LRP1B: variants seen among roughly 807,000 people sequenced by gnomAD.
The protein encoded by LRP1B is LDL receptor related protein 1B, also known as low-density lipoprotein receptor-related protein 1B.
In LRP1B, 217 loss-of-function variants were observed where a neutral mutation model predicts 556.6. The ratio of observed to expected loss-of-function variants is 0.39; its 90% confidence interval spans 0.35 to 0.44. The LOEUF (loss-of-function observed/expected upper bound fraction) is 0.44. LRP1B is among the 20% of genes least tolerant of loss of function. The pLI is 1.00. For missense variants in LRP1B, 5,053 were observed against 5,620.8 expected, an observed-to-expected ratio of 0.90 and a Z score of 3.23; for synonymous variants, 2,047 against 1,865.8, an observed-to-expected ratio of 1.10 and a Z score of -2.50.
At position 140,675,507 on chromosome 2, in the gene LRP1B, T is replaced by C. The variant is rs759357369; in HGVS notation, c.6799+24743A>G. Among the ~76,000 whole-genome samples, 70 of 152,238 alleles carry C rather than the reference T, an allele frequency of 4.6e-4. 1 individual carries two copies. The highest frequency in any genetic ancestry group is 6.6e-4 in the Non-Finnish European group (45 of 68,046). ...TTCAAATTGAATTATATTTATTTCATACTGTTCTTAATGTGCTGAAAGTTA... is the reference window on the plus strand; with the variant it reads ...TTCAAATTGAATTATATTTATTTCACACTGTTCTTAATGTGCTGAAAGTTA... On this transcript the variant is annotated intron_variant, in intron 41 of 90. Coordinates refer to ENST00000389484, the MANE Select transcript of LRP1B (RefSeq NM_018557.3).
chr2:142,099,656 T>G (rs947800590), intron 1 of LRP1B, among the ~76,000 whole-genome samples: 1 of 151,930 alleles, frequency 6.6e-6, no homozygotes, highest in Non-Finnish European at 1.5e-5. Context: ...CAAATTGCAT[T>G]TGCCAGACCA....
chr2:142,130,071 G>A (rs1707795353), intron 1 of LRP1B, among the ~76,000 whole-genome samples: 1 of 152,134 alleles, frequency 6.6e-6, no homozygotes, highest in African/African-American at 2.4e-5. Flanking sequence ...TCAAGCAGGT[G>A]CGTGCGCCCG....
chr2:141,722,789 A>G (rs981460831), intron 2 of LRP1B, among the ~76,000 whole-genome samples: 6 of 151,188 alleles, frequency 4.0e-5, no homozygotes, highest in Non-Finnish European at 5.9e-5. Flanking sequence ...TCAATCTATC[A>G]CCTGTACAGG....
In LRP1B at chr2:140,982,414, TTTTA is replaced by T. The variant is rs1177794918; in HGVS notation, c.2771-142_2771-139del. ...AAAATAAAATATTTTAAAAGTCCAT[TTTTA>T]TTTAAGGCTTCTGAATACCAGCTTG... On this transcript the variant is annotated intron_variant, in intron 17 of 90. Transcript: ENST00000389484. The T allele has an allele frequency of 1.4e-5, 8 of 586,534 alleles. No individual in the cohort carries two copies. In the Admixed American group the frequency reaches 2.5e-4, roughly 18 times the overall value. The allele number at this position is 586,534 out of a possible 1,614,324, so 36.3% of individuals were successfully genotyped here. A position where few individuals can be genotyped will look rare whatever the true frequency, so the allele number is the denominator to read the frequency against.
intron 1 of LRP1B, among the ~76,000 whole-genome samples, chr2:141,968,981 C>G (rs1192293446): frequency 6.6e-6 from 1 of 151,348 alleles, no homozygotes; most frequent in African/African-American, 2.4e-5. Flanking sequence ...TTTCAGTTCT[C>G]TCTGTCCTGC....
intron 46 of LRP1B, among the ~76,000 whole-genome samples, chr2:140,534,392 C>T (rs1367785053): frequency 1.3e-5 from 2 of 152,054 alleles, no homozygotes; most frequent in African/African-American, 4.8e-5. Context: ...GTTATACCCA[C>T]GTTATTGTTT....
intron 3 of LRP1B, among the ~76,000 whole-genome samples, chr2:141,420,009 G>A (rs1440417769): frequency 2.0e-5 from 3 of 152,142 alleles, no homozygotes; most frequent in Non-Finnish European, 4.4e-5. Context: ...ATTGTTCTGT[G>A]TATGTTTGTC....
intron 2 of LRP1B, among the ~76,000 whole-genome samples, chr2:141,497,521 C>T (rs4245858): frequency 0.56 from 84,363 of 151,814 alleles, 23,845 homozygotes; most frequent in African/African-American, 0.65. Context: ...GTTTTTTCTC[C>T]TACACCACAT....
chr2:140,323,756 T>C (rs1335403918), intron 81 of LRP1B, 137 bp downstream of exon 81: 2 of 423,092 alleles, frequency 4.7e-6, no homozygotes, highest in African/African-American at 4.1e-5. Context: ...AAAAGTCTAG[T>C]GACATCAAAA....
chr2:141,795,535 T>A (rs1695774701), intron 2 of LRP1B, among the ~76,000 whole-genome samples: 1 of 151,966 alleles, frequency 6.6e-6, no homozygotes, highest in Non-Finnish European at 1.5e-5. Flanking sequence ...TTGTGGTGAT[T>A]CCATTGTTAT....
At chr2:141,907,596 AC>A (rs1323459315) in intron 1 of LRP1B, among the ~76,000 whole-genome samples, 4 of 151,972 alleles carry the variant, frequency 2.6e-5, no homozygotes, top group African/African-American at 9.7e-5. Flanking sequence ...CTTTAATGTC[AC>A]CTAAGAGAAG....
At chr2:141,081,670 A>G (rs1699925413) in intron 7 of LRP1B, among the ~76,000 whole-genome samples, 1 of 148,846 alleles carries the variant, frequency 6.7e-6, no homozygotes, top group Admixed American at 6.9e-5. Flanking sequence ...TATCATTTCC[A>G]TATTAAATTA....
intron 2 of LRP1B, among the ~76,000 whole-genome samples, chr2:141,775,851 T>C (rs961850459): frequency 6.6e-6 from 1 of 151,344 alleles, no homozygotes; most frequent in African/African-American, 2.4e-5. Context: ...CCTTTTTTTT[T>C]TTTTTTTCTG....
chr2:142,018,407 C>A (rs1175417999), intron 1 of LRP1B, among the ~76,000 whole-genome samples: 1 of 152,112 alleles, frequency 6.6e-6, no homozygotes, highest in Non-Finnish European at 1.5e-5. Context: ...TGGCAGTCAA[C>A]CTACTTGTAA....
At chr2:140,453,000 A>ACTT (rs1430623283) in intron 62 of LRP1B, among the ~76,000 whole-genome samples, 1 of 148,824 alleles carries the variant, frequency 6.7e-6, no homozygotes, top group East Asian at 2.0e-4. Flanking sequence ...AGTGGAGAAA[A>ACTT]CTTATCTTTA....
chr2:140,832,041 G>T (rs1329838441), intron 31 of LRP1B, among the ~76,000 whole-genome samples: 2 of 152,188 alleles, frequency 1.3e-5, no homozygotes, highest in Admixed American at 1.3e-4. Context: ...AGGAGGTACA[G>T]ACATGGGAAC....
At position 140,270,388 on chromosome 2, in the gene LRP1B, G is replaced by T. The variant is rs575012934; in HGVS notation, c.13143-42C>A. 4 of 1,229,998 alleles carry T rather than the reference G, an allele frequency of 3.3e-6. No individual in the cohort carries two copies. In the South Asian group the frequency reaches 4.8e-5, roughly 15 times the overall value. 76.2% of individuals were successfully genotyped at this position (1,229,998 alleles called of 1,614,324 possible). The stretch of plus-strand genomic sequence containing the variant: ...AAAAAGAACAATTTCATTGTTATTG[G>T]CAACATTATTGCTGAAAGCTGACAT... On this transcript the variant is annotated intron_variant, in intron 85 of 90. Coordinates refer to ENST00000389484, the MANE Select transcript of LRP1B (RefSeq NM_018557.3).
At chr2:141,050,227 T>A (rs1006967636) in intron 10 of LRP1B, among the ~76,000 whole-genome samples, 2 of 151,946 alleles carry the variant, frequency 1.3e-5, no homozygotes, top group African/African-American at 2.4e-5. Flanking sequence ...AGCAATTATT[T>A]ATAAACCTAA....
At chr2:140,544,034 GAGA>G (rs549318906) in intron 43 of LRP1B, among the ~76,000 whole-genome samples, 80 of 152,168 alleles carry the variant, frequency 5.3e-4, no homozygotes, top group South Asian at 1.7e-3. Context: ...GAGACGTATG[GAGA>G]AGAAGAAGTA....
Sources: gnomAD v4.1 joint callset for allele counts (sites outside exome capture counted in the v4.1 genomes callset) on GRCh38, gnomAD v4.1.1 for gene constraint, MANE v1.5 for transcripts, NCBI Gene and HGNC (gene_info 2026-07-23, HGNC 2026-07-21) for gene names.